GPC5: variants seen among roughly 807,000 people sequenced by gnomAD.
GPC5 encodes the protein glypican-5.
In GPC5, 47 loss-of-function variants were observed where a neutral mutation model predicts 53.9. The observed-to-expected ratio is 0.87, with a 90% CI of 0.69 to 1.11. The LOEUF is 1.11. Ranked by LOEUF, GPC5 falls within the 50% of genes most tolerant of loss-of-function variation. The pLI is 0.00. For synonymous variants in GPC5, 286 were observed against 263.3 expected, an observed-to-expected ratio of 1.09 and a Z score of -0.84; for missense variants, 748 against 713.1, an observed-to-expected ratio of 1.05 and a Z score of -0.56.
At chr13:92,751,643 T>A (rs1026149910) in intron 7 of GPC5, among the ~76,000 whole-genome samples, 1 of 151,692 alleles carries the variant, frequency 6.6e-6, no homozygotes, top group Non-Finnish European at 1.5e-5. Context: ...ATATACCTAA[T>A]GTAAATGACG....
intron 7 of GPC5, among the ~76,000 whole-genome samples, chr13:92,789,778 A>G (rs1421210592): frequency 6.6e-6 from 1 of 152,156 alleles, no homozygotes; most frequent in Non-Finnish European, 1.5e-5. Flanking sequence ...ATAGATGTAT[A>G]TATGAAAGGG....
chr13:91,936,476 C>T (rs1209623525), intron 6 of GPC5, among the ~76,000 whole-genome samples: 1 of 151,972 alleles, frequency 6.6e-6, no homozygotes, highest in Non-Finnish European at 1.5e-5. Flanking sequence ...TTGATGACCA[C>T]AAAGCATCAT....
At chr13:92,559,008 C>G (rs1267609973) in intron 7 of GPC5, among the ~76,000 whole-genome samples, 1 of 151,864 alleles carries the variant, frequency 6.6e-6, no homozygotes, top group African/African-American at 2.4e-5. Flanking sequence ...AACAGTATTC[C>G]GGTCCATTGG....
chr13:92,504,870 G>A (rs1376169516), intron 7 of GPC5, among the ~76,000 whole-genome samples: 1 of 151,796 alleles, frequency 6.6e-6, no homozygotes, highest in African/African-American at 2.4e-5. Flanking sequence ...ACACAAAACT[G>A]TAATACATTT....
At chr13:91,892,279 C>T (rs908237189) in intron 5 of GPC5, among the ~76,000 whole-genome samples, 1 of 151,794 alleles carries the variant, frequency 6.6e-6, no homozygotes, top group Admixed American at 6.6e-5. Context: ...CTTTTCTTTT[C>T]AACTCTTCTT....
At chr13:92,080,249 C>G (rs2041284721) in intron 6 of GPC5, among the ~76,000 whole-genome samples, 1 of 152,104 alleles carries the variant, frequency 6.6e-6, no homozygotes, top group South Asian at 2.1e-4. Flanking sequence ...ATTCTATTTT[C>G]TCTCCAACCA....
intron 7 of GPC5, among the ~76,000 whole-genome samples, chr13:92,429,350 C>T (rs985553268): frequency 2.6e-4 from 40 of 151,838 alleles, no homozygotes; most frequent in African/African-American, 9.6e-4. Flanking sequence ...CACATTCACA[C>T]CTTCCTATGA....
chr13:91,551,508 T>C (rs1229348004), intron 2 of GPC5, among the ~76,000 whole-genome samples: 1 of 152,120 alleles, frequency 6.6e-6, no homozygotes, highest in African/African-American at 2.4e-5. Flanking sequence ...GTGCAAATAC[T>C]TGGAATAGCG....
At chr13:92,143,490 GT>G (rs778594782) in intron 6 of GPC5, among the ~76,000 whole-genome samples, 48 of 152,056 alleles carry the variant, frequency 3.2e-4, no homozygotes, top group Non-Finnish European at 6.2e-4. Flanking sequence ...CAGTAGAAAA[GT>G]TTGTCTAACT....
At chr13:91,582,372 C>T (rs1177494216) in intron 2 of GPC5, among the ~76,000 whole-genome samples, 1 of 152,118 alleles carries the variant, frequency 6.6e-6, no homozygotes, top group Non-Finnish European at 1.5e-5. Context: ...TTCAAGTTAT[C>T]TCTTTAATTT....
rs187993175 is a variant in GPC5, at chr13:91,654,054, T to G, written c.326-39133T>G. Among the ~76,000 whole-genome samples the G allele has an allele frequency of 1.6e-3, 238 of 152,296 alleles. 5 individuals carry two copies. Among genetic ancestry groups the G allele is most frequent in the Non-Finnish European group, 2.1e-4 (14 of 68,018 alleles). ...TGTTAAATGCATCTCTAATGTGACTTAAGAAGGCATTACCAGCTACTGAGA... is the reference window on the plus strand; with the variant it reads ...TGTTAAATGCATCTCTAATGTGACTGAAGAAGGCATTACCAGCTACTGAGA... On this transcript the variant is annotated intron_variant, in intron 2 of 7. Transcript: ENST00000377067.
intron 2 of GPC5, among the ~76,000 whole-genome samples, chr13:91,495,600 C>G (rs935659194): frequency 6.6e-6 from 1 of 152,184 alleles, no homozygotes; most frequent in East Asian, 1.9e-4. Context: ...TCTTTCCCTG[C>G]CTAGAATACT....
At chr13:92,497,214 C>T (rs1314105059) in intron 7 of GPC5, among the ~76,000 whole-genome samples, 4 of 152,052 alleles carry the variant, frequency 2.6e-5, no homozygotes, top group African/African-American at 9.7e-5. Flanking sequence ...CCTGGGTTTT[C>T]TTCTAGGGTT....
chr13:92,599,234 C>G (rs1815214829), intron 7 of GPC5, among the ~76,000 whole-genome samples: 1 of 152,166 alleles, frequency 6.6e-6, no homozygotes, highest in Non-Finnish European at 1.5e-5. Context: ...GATTATAATA[C>G]TGTGCAGTGA....
Position 91,693,577 on chromosome 13 carries a change from C to G in GPC5, c.716C>G (p.Thr239Arg). The G allele has an allele frequency of 1.9e-6, 3 of 1,614,118 alleles. No homozygotes were observed. The highest frequency in any genetic ancestry group is 1.7e-6 in the Non-Finnish European group (2 of 1,180,020). ...CTGGGCATTGAAGTCATCAACACCA[C>G]AGACTATCTGCACTTCTCCAAAGAG... is the stretch of plus-strand genomic sequence containing the variant. ...LNLGIEVINT[T>R]DYLHFSKECS... The change falls in exon 3 of 8, where the codon ACA (threonine) becomes AGA (arginine). Residue 239 changes from threonine to arginine, a missense_variant. Transcript: ENST00000377067.
chr13:91,740,320 CA>C (rs2036904122), intron 4 of GPC5, among the ~76,000 whole-genome samples: 1 of 152,164 alleles, frequency 6.6e-6, no homozygotes, highest in African/African-American at 2.4e-5. Flanking sequence ...AGTTCCTAAC[CA>C]TTTTTTTCTC....
intron 6 of GPC5, among the ~76,000 whole-genome samples, chr13:92,088,701 C>T (rs926126419): frequency 1.2e-4 from 18 of 152,126 alleles, no homozygotes; most frequent in African/African-American, 3.6e-4. Context: ...CTGGGTATTG[C>T]GTCTCTGTGT....
At chr13:91,453,865 A>G (rs1030894931) in intron 2 of GPC5, among the ~76,000 whole-genome samples, 4 of 152,044 alleles carry the variant, frequency 2.6e-5, no homozygotes, top group African/African-American at 9.7e-5. Flanking sequence ...GGGTGCCAGC[A>G]TCATTAGGTA....
chr13:92,126,136 G>A (rs1334699900), intron 6 of GPC5, among the ~76,000 whole-genome samples: 1 of 151,586 alleles, frequency 6.6e-6, no homozygotes, highest in Non-Finnish European at 1.5e-5. Flanking sequence ...TGTATTTTTA[G>A]TAGAGACAGG....
Sources: gnomAD v4.1 joint callset for allele counts (sites outside exome capture counted in the v4.1 genomes callset) on GRCh38, gnomAD v4.1.1 for gene constraint, MANE v1.5 for transcripts, NCBI Gene and HGNC (gene_info 2026-07-23, HGNC 2026-07-21) for gene names.